The following CLTCL1 variants were observed in gnomAD, a reference collection of about 807,000 sequenced individuals.
CLTCL1 encodes clathrin heavy chain 2.
Under a neutral mutation model 190.0 loss-of-function variants are expected in CLTCL1, and 159 were observed. The ratio of observed to expected loss-of-function variants is 0.84; its 90% CI spans 0.74 to 0.95. CLTCL1 has a LOEUF of 0.95. Among genes scored for constraint, CLTCL1 ranks in the 40% least tolerant of loss-of-function variants. The probability of loss-of-function intolerance (pLI) is 0.00; values close to 1 mark genes in which losing one functional copy is unlikely to be tolerated. For missense variants in CLTCL1, 1,878 were observed against 2,033.4 expected, an observed-to-expected ratio of 0.92 and a Z score of 1.47; for synonymous variants, 752 against 769.6, an observed-to-expected ratio of 0.98 and a Z score of 0.38.
In CLTCL1 at chr22:19,224,064, G is replaced by C. The variant is rs2085662061; in HGVS notation, c.2129-10C>G. The C allele has an allele frequency of 1.2e-6, 2 of 1,613,624 alleles. No individual in the cohort carries two copies. Among genetic ancestry groups the C allele is most frequent in the African/African-American group, 1.3e-5 (1 of 74,906 alleles). ...AGGAAGTAGAAGAGGCCTATGAAGA[G>C]AGACCATTCCATTTTTGTCCTTGTA... On this transcript the variant is annotated splice_polypyrimidine_tract_variant and intron_variant, in intron 13 of 32. Coordinates refer to ENST00000427926, the MANE Select transcript of CLTCL1 (RefSeq NM_007098.4).
intron 2 of CLTCL1, among the ~76,000 whole-genome samples, chr22:19,273,494 T>C (rs2087391053): frequency 6.6e-6 from 1 of 152,126 alleles, no homozygotes; most frequent in South Asian, 2.1e-4. Flanking sequence ...GCTGCTCTCC[T>C]GATGGACATA....
intron 22 of CLTCL1, among the ~76,000 whole-genome samples, chr22:19,206,253 G>A (rs916507955): frequency 2.6e-5 from 4 of 151,652 alleles, no homozygotes; most frequent in Admixed American, 2.6e-4. Flanking sequence ...TTAAAGACAG[G>A]GTCTCGCTCT....
At chr22:19,265,691 A>G (rs1029021406) in intron 2 of CLTCL1, among the ~76,000 whole-genome samples, 3 of 152,184 alleles carry the variant, frequency 2.0e-5, no homozygotes, top group Admixed American at 1.3e-4. Context: ...TACAGCAACC[A>G]CCATAAAAAT....
chr22:19,201,580 T>A, intron 22 of CLTCL1, 87 bp from the exon 23 acceptor site: 2 of 1,384,840 alleles, frequency 1.4e-6, no homozygotes, highest in Non-Finnish European at 2.0e-6. Flanking sequence ...ATGGCAGAGG[T>A]ATTTTTCTGT....
intron 10 of CLTCL1, 50 bp downstream of exon 10, chr22:19,232,426 A>G (rs1555959465): frequency 1.2e-6 from 2 of 1,611,178 alleles, no homozygotes; most frequent in Non-Finnish European, 8.5e-7. Flanking sequence ...GAAATCTTCT[A>G]GATGGCTCTA....
rs1299447448 is a variant in CLTCL1 at position 19,198,959 on chromosome 22, G to A, written c.3873+775C>T. ...GTTGGCTTTCCAGTTCATTTCTCAGGCGCCTCTCTGGGGGTGGGAAAGCAT... is the reference window on the plus strand; with the variant it reads ...GTTGGCTTTCCAGTTCATTTCTCAGACGCCTCTCTGGGGGTGGGAAAGCAT... On this transcript the variant is annotated intron_variant, in intron 24 of 32. Coordinates refer to ENST00000427926, the MANE Select transcript of CLTCL1 (RefSeq NM_007098.4). The surrounding 1 kb of genome is among the most constrained non-coding windows in gnomAD (Gnocchi z 4.1). 6.6e-6 allele frequency among the ~76,000 whole-genome samples: 1 copy of A among 152,054 alleles called. No individual in the cohort carries two copies. The highest frequency in any genetic ancestry group is 2.4e-5 in the African/African-American group (1 of 41,390).
rs3747059 is a variant in CLTCL1, at chr22:19,275,691, G to A, written c.182C>T (p.Pro61Leu). ...TIIDMSDPMA[P>L]IRRPISAESA... ...CTCTGCAGAGATAGGCCGTCGGATC[G>A]GAGCCATTGGGTCACTCATGTCAAT... Residue 61 changes from proline (P) to leucine (L), a missense_variant, in exon 2 of 33, where the codon CCG (proline) becomes CTG (leucine). Transcript: ENST00000427926. The A allele has an allele frequency of 0.011, 17,774 of 1,605,780 alleles. 311 individuals are homozygous for A. Among genetic ancestry groups the A allele is most frequent in the East Asian group, 0.066 (2,966 of 44,670 alleles).
At chr22:19,240,885 G>C (rs970471996) in intron 4 of CLTCL1, among the ~76,000 whole-genome samples, 25 of 152,218 alleles carry the variant, frequency 1.6e-4, no homozygotes, top group African/African-American at 5.5e-4. Flanking sequence ...GCAGCAGCAG[G>C]AGGAGGTTGG....
At chr22:19,223,717 C>G (rs1054432458) in intron 14 of CLTCL1, among the ~76,000 whole-genome samples, 174 bp downstream of exon 14, 2 of 152,184 alleles carry the variant, frequency 1.3e-5, no homozygotes, top group African/African-American at 4.8e-5. Flanking sequence ...ACTCTTAAAA[C>G]GATAGAAGGG....
In CLTCL1 at chr22:19,210,517, G is replaced by C. The variant is rs1555946072; in HGVS notation, c.3066-8C>G. On this transcript the variant is annotated splice_region_variant and splice_polypyrimidine_tract_variant and intron_variant, in intron 19 of 32. Transcript: ENST00000427926. ...AACAGATTCTGTAGATTCCTGAGGA[G>C]AGAGGGTGGTCAGCACGGCATCCCA... is the stretch of plus-strand genomic sequence containing the variant. 2 of 1,608,482 alleles carry C rather than the reference G, an allele frequency of 1.2e-6. No individual in the cohort carries two copies. Among genetic ancestry groups the C allele is most frequent in the South Asian group, 1.1e-5 (1 of 90,904 alleles).
chr22:19,233,270 T>C lies in CLTCL1; in HGVS notation c.1417A>G (p.Met473Val), dbSNP rs782088375. Residue 473 changes from methionine to valine, a missense_variant, in exon 9 of 33, where the codon ATG becomes GTG. Physicochemically the swap from Met to Val is conservative, Grantham distance 21 (BLOSUM62 1). Transcript: ENST00000427926. ...CGAAGGTACACACTCAGAGCGAGCA[T>C]GGGGTCAGTGGTTTTGACCAAGTCT... The part of the protein sequence containing the change: ...LGDLVKTTDP[M>V]LALSVYLRAN... 21 of 1,613,794 alleles carry C rather than the reference T, an allele frequency of 1.3e-5. No individual in the cohort carries two copies. Among genetic ancestry groups the C allele is most frequent in the African/African-American group, 5.3e-5 (4 of 74,946 alleles).
chr22:19,257,246 C>T (rs1029866035), intron 2 of CLTCL1, among the ~76,000 whole-genome samples: 2 of 152,098 alleles, frequency 1.3e-5, no homozygotes, highest in Non-Finnish European at 2.9e-5. Flanking sequence ...GAAACACAGA[C>T]ACCAGTGGAA....
intron 29 of CLTCL1, chr22:19,184,640 C>A: frequency 2.2e-6 from 1 of 447,970 alleles, no homozygotes; most frequent in South Asian, 1.6e-5. Context: ...CCCTGCCGTG[C>A]CCTCCACCGG....
chr22:19,189,124 C>T (rs1484654192), intron 27 of CLTCL1, among the ~76,000 whole-genome samples: 1 of 151,982 alleles, frequency 6.6e-6, no homozygotes, highest in Non-Finnish European at 1.5e-5. Flanking sequence ...AGGCTGGTCT[C>T]GACCTCCTGA....
rs782371727 is a variant in CLTCL1, at chr22:19,220,025, A to T, written c.2797-18T>A. On this transcript the variant is annotated intron_variant, in intron 17 of 32. Coordinates refer to ENST00000427926, the MANE Select transcript of CLTCL1 (RefSeq NM_007098.4). ...TTGCACACCTGAAATGAGCACACTC[A>T]TGTGTGTGACACAGCAGCCAACCAG... is the stretch of plus-strand genomic sequence containing the variant. 2.5e-6 allele frequency: 4 copies of T among 1,613,264 alleles called. No individual in the cohort carries two copies. The African/African-American group carries it at 4.0e-5, about 16-fold the overall frequency.
At chr22:19,274,537 C>A (rs2087431546) in intron 2 of CLTCL1, among the ~76,000 whole-genome samples, 1 of 152,060 alleles carries the variant, frequency 6.6e-6, no homozygotes, top group Admixed American at 6.5e-5. Context: ...GGTAATAGAA[C>A]AAAGATCCTT....
chr22:19,260,834 T>C (rs1313572953), intron 2 of CLTCL1, among the ~76,000 whole-genome samples: 1 of 150,932 alleles, frequency 6.6e-6, no homozygotes, highest in Non-Finnish European at 1.5e-5. Context: ...CTGCCTGTGT[T>C]CTATGAATGG....
chr22:19,216,868 T>A (rs2085401406), intron 18 of CLTCL1, among the ~76,000 whole-genome samples: 1 of 152,236 alleles, frequency 6.6e-6, no homozygotes, highest in African/African-American at 2.4e-5. Flanking sequence ...CCAGCACTGT[T>A]CTCTTTGCAC....
intron 1 of CLTCL1, among the ~76,000 whole-genome samples, chr22:19,279,667 A>G (rs1224413546): frequency 2.0e-5 from 3 of 152,252 alleles, no homozygotes; most frequent in African/African-American, 7.2e-5. Context: ...CTGCTGAGGT[A>G]GCCAAAGTAA....
Sources: allele counts gnomAD v4.1 joint callset (sites outside exome capture counted in the v4.1 genomes callset), GRCh38; gene constraint gnomAD v4.1.1; non-coding constraint Gnocchi (gnomAD v3.1); transcripts MANE v1.5; gene names NCBI Gene and HGNC (gene_info 2026-07-23, HGNC 2026-07-21).